The following DOCK7 variants were observed in gnomAD, a reference collection of about 807,000 sequenced individuals.
DOCK7 encodes the protein dedicator of cytokinesis 7.
In DOCK7, 138 loss-of-function variants were observed where a neutral mutation model predicts 271.0. The observed-to-expected ratio is 0.51, with a 90% CI of 0.44 to 0.59. DOCK7 has a LOEUF of 0.59. Ranked by LOEUF, DOCK7 falls within the 20% of genes least tolerant of loss-of-function variation. DOCK7 has a pLI of 0.00. For missense variants in DOCK7, 2,066 were observed against 2,592.4 expected, an observed-to-expected ratio of 0.80 and a Z score of 4.41; for synonymous variants, 823 against 876.1, an observed-to-expected ratio of 0.94 and a Z score of 1.07.
intron 43 of DOCK7, chr1:62,485,701 A>G (rs1194029705): frequency 1.0e-6 from 1 of 984,584 alleles, no homozygotes; most frequent in Non-Finnish European, 1.2e-6. Flanking sequence ...GTCAGCAACC[A>G]GGGACAAGAG....
At chr1:62,505,574 C>G in intron 36 of DOCK7, 108 bp downstream of exon 36, 1 of 1,191,360 alleles carries the variant, frequency 8.4e-7, no homozygotes, top group Non-Finnish European at 1.2e-6. Flanking sequence ...TACACATATT[C>G]ATTAATATAT....
chr1:62,556,061 T>C, intron 20 of DOCK7, 72 bp from the exon 21 acceptor site: 2 of 1,453,966 alleles, frequency 1.4e-6, no homozygotes, highest in Non-Finnish European at 1.9e-6. Context: ...AAGATCAACA[T>C]TTTGTCATCT....
intron 1 of DOCK7, among the ~76,000 whole-genome samples, chr1:62,672,318 A>G (rs140853787): frequency 6.6e-6 from 1 of 152,178 alleles, no homozygotes; most frequent in Non-Finnish European, 1.5e-5. Flanking sequence ...TAATAAAACT[A>G]GCAACATTTG....
intron 1 of DOCK7, among the ~76,000 whole-genome samples, chr1:62,674,747 C>T (rs1013055664): frequency 1.3e-5 from 2 of 152,076 alleles, no homozygotes; most frequent in African/African-American, 4.8e-5. Flanking sequence ...CAATTGAACA[C>T]CCACACACTA....
rs749412564 is a variant in DOCK7, at chr1:62,537,937, G to A, written c.3425C>T (p.Thr1142Ile). 1 of 1,614,044 alleles carries A rather than the reference G, an allele frequency of 6.2e-7. No homozygotes were observed. The highest frequency in any genetic ancestry group is 8.5e-7 in the Non-Finnish European group (1 of 1,179,944). Residue 1142 changes from threonine (T) to isoleucine (I), a missense_variant, in exon 28 of 50, where the codon ACT becomes ATT. Thr to Ile is a moderately conservative substitution (Grantham distance 89). This residue lies in a region of DOCK7 where 1,414 missense variants were observed against 1,670.4 expected (regional missense o/e 0.85). Coordinates refer to ENST00000635253, the MANE Select transcript of DOCK7 (RefSeq NM_001367561.1). ...AGAAGGTGATGGAGATGCAGGTGGA[G>A]TAAGTAAGCTGCAGGGTAAGTTTAA... ...VTLNLPCSLLTPPASPSPSVS... is the reference protein window; with the variant it reads ...VTLNLPCSLLIPPASPSPSVS...
At position 62,620,000 on chromosome 1, in the gene DOCK7, T is replaced by C; in HGVS notation, c.1426-7A>G. 1 of 1,605,734 alleles carries C rather than the reference T, an allele frequency of 6.2e-7. No homozygotes were observed. The highest frequency in any genetic ancestry group is 8.5e-7 in the Non-Finnish European group (1 of 1,174,066). On this transcript the variant is annotated splice_region_variant and splice_polypyrimidine_tract_variant and intron_variant, in intron 12 of 49. Coordinates refer to ENST00000635253, the MANE Select transcript of DOCK7 (RefSeq NM_001367561.1). ...CACTTAAGCGGTCTCCTTCCTGATT[T>C]CAATAATAGAGGAAAAAGTATTTGA... is the stretch of plus-strand genomic sequence containing the variant.
intron 15 of DOCK7, chr1:62,584,668 A>G: frequency 1.5e-6 from 2 of 1,363,176 alleles, no homozygotes; most frequent in Non-Finnish European, 1.9e-6. Flanking sequence ...ATTGAGCATT[A>G]ATTATTTATC....
At chr1:62,474,541 G>A (rs1433295943) in intron 47 of DOCK7, among the ~76,000 whole-genome samples, 2 of 152,204 alleles carry the variant, frequency 1.3e-5, no homozygotes, top group Non-Finnish European at 2.9e-5. Context: ...ATCATTTGGA[G>A]ACAAAACCTT....
intron 41 of DOCK7, among the ~76,000 whole-genome samples, chr1:62,491,428 G>C (rs191360635): frequency 6.6e-6 from 1 of 152,358 alleles, no homozygotes; most frequent in African/African-American, 2.4e-5. Context: ...GTTTAAGAAG[G>C]TAAGCATGAA....
chr1:62,534,946 C>A (rs1409556291), intron 29 of DOCK7, among the ~76,000 whole-genome samples: 1 of 151,954 alleles, frequency 6.6e-6, no homozygotes, highest in Non-Finnish European at 1.5e-5. Context: ...GAAAAATTAG[C>A]TGGGTGTGGT....
intron 25 of DOCK7, among the ~76,000 whole-genome samples, chr1:62,541,174 C>T (rs901746775): frequency 6.7e-6 from 1 of 150,264 alleles, no homozygotes. Context: ...GTGAAGAAGA[C>T]GGTCCCAAGT....
intron 42 of DOCK7, 128 bp downstream of exon 42, chr1:62,488,806 A>C (rs576845697): frequency 8.3e-7 from 1 of 1,202,900 alleles, no homozygotes; most frequent in South Asian, 1.3e-5. Context: ...TATCATTTTG[A>C]CCGCTCATTT....
chr1:62,682,816 T>C (rs17123771), intron 1 of DOCK7, among the ~76,000 whole-genome samples: 5,341 of 152,216 alleles, frequency 0.035, 326 homozygotes, highest in African/African-American at 0.12. Context: ...ACATAGTAAG[T>C]CTTATGGTTT....
intron 14 of DOCK7, among the ~76,000 whole-genome samples, chr1:62,590,442 T>C (rs932981539): frequency 6.6e-6 from 1 of 152,160 alleles, no homozygotes; most frequent in African/African-American, 2.4e-5. Context: ...AAGCACATGG[T>C]AATATATTAA....
chr1:62,464,781 T>C (rs2149238883), intron 48 of DOCK7, among the ~76,000 whole-genome samples: 1 of 152,308 alleles, frequency 6.6e-6, no homozygotes, highest in Non-Finnish European at 1.5e-5. Context: ...TTGGCACTGT[T>C]AATACAGCTG....
rs759916397 is a variant in DOCK7 at position 62,528,335 on chromosome 1, A to T, written c.3782-30T>A. The T allele has an allele frequency of 1.9e-6, 3 of 1,574,100 alleles. No homozygotes were observed. In the African/African-American group the frequency reaches 4.1e-5, roughly 21 times the overall value. ...AGAAAAATAATCCAAAAAAATAAAT[A>T]AAACTGTTTAGCTGAACTAATTCCC... On this transcript the variant is annotated intron_variant, in intron 30 of 49. Transcript: ENST00000635253.
At chr1:62,579,774 A>T (rs2149486338) in intron 16 of DOCK7, among the ~76,000 whole-genome samples, 1 of 151,980 alleles carries the variant, frequency 6.6e-6, no homozygotes, top group Admixed American at 6.6e-5. Flanking sequence ...TTGAAGAAAT[A>T]AAAAAAGTTA....
At chr1:62,669,615 C>G (rs1427950246) in intron 1 of DOCK7, among the ~76,000 whole-genome samples, 1 of 152,234 alleles carries the variant, frequency 6.6e-6, no homozygotes, top group Non-Finnish European at 1.5e-5. Flanking sequence ...CAAGCAATAC[C>G]AAAGTCACAG....
At chr1:62,537,037 T>A (rs1645366982) in intron 28 of DOCK7, among the ~76,000 whole-genome samples, 1 of 152,216 alleles carries the variant, frequency 6.6e-6, no homozygotes. Flanking sequence ...GGTTTCTGGA[T>A]ACAAGAGAGT....
Sources: gnomAD v4.1 joint callset for allele counts (sites outside exome capture counted in the v4.1 genomes callset) on GRCh38, gnomAD v4.1.1 for gene constraint, gnomAD v4.1.1 regional missense constraint, MANE v1.5 for transcripts, NCBI Gene and HGNC (gene_info 2026-07-23, HGNC 2026-07-21) for gene names.